TSPAN5: variants seen among roughly 807,000 people sequenced by gnomAD.
TSPAN5 encodes tetraspanin 5.
Under a neutral mutation model 37.1 loss-of-function variants are expected in TSPAN5, and 10 were observed. That is an observed-to-expected ratio of 0.27 (90% confidence interval 0.17 to 0.46). The LOEUF (loss-of-function observed/expected upper bound fraction) is 0.46, where lower values mean the gene tolerates loss of function less well. Among genes scored for constraint, TSPAN5 ranks in the 20% least tolerant of loss-of-function variants. TSPAN5 has a pLI of 1.00. For missense variants in TSPAN5, 195 were observed against 326.6 expected (o/e 0.60, Z 3.11); for synonymous variants, 110 against 118.9 (o/e 0.93, Z 0.48).
chr4:98,473,601 A>C (rs1176200654), intron 7 of TSPAN5, among the ~76,000 whole-genome samples: 1 of 151,938 alleles, frequency 6.6e-6, no homozygotes, highest in Non-Finnish European at 1.5e-5. Context: ...CTGGGACTAC[A>C]GGCGCCCGCC....
intron 7 of TSPAN5, among the ~76,000 whole-genome samples, chr4:98,473,041 T>A (rs1331450045): frequency 6.6e-6 from 1 of 152,254 alleles, no homozygotes. Context: ...TGATATTCCA[T>A]GGCATGGATA....
chr4:98,503,782 C>A (rs1578952065), intron 2 of TSPAN5, among the ~76,000 whole-genome samples: 1 of 152,202 alleles, frequency 6.6e-6, no homozygotes, highest in African/African-American at 2.4e-5. Context: ...GAATTCAGCA[C>A]AAGCCCTGCC....
chr4:98,578,507 C>A (rs905310984), intron 1 of TSPAN5, among the ~76,000 whole-genome samples: 8 of 152,118 alleles, frequency 5.3e-5, no homozygotes, highest in African/African-American at 1.9e-4. Flanking sequence ...CTCACTGCAA[C>A]CTCCGTCTCC....
chr4:98,624,400 C>G (rs1005552122), intron 1 of TSPAN5, among the ~76,000 whole-genome samples: 3 of 151,738 alleles, frequency 2.0e-5, no homozygotes, highest in Non-Finnish European at 2.9e-5. Context: ...GAGATAAAGT[C>G]AAGAATGAAA....
At chr4:98,526,321 T>A (rs968445667) in intron 1 of TSPAN5, among the ~76,000 whole-genome samples, 2 of 152,164 alleles carry the variant, frequency 1.3e-5, no homozygotes, top group Non-Finnish European at 2.9e-5. Context: ...GCAGGCCAGG[T>A]GAAAACATCT....
intron 1 of TSPAN5, among the ~76,000 whole-genome samples, chr4:98,588,040 T>G (rs2110203735): frequency 6.6e-6 from 1 of 152,348 alleles, no homozygotes; most frequent in Admixed American, 6.5e-5. Context: ...TTTGAGTTCC[T>G]AAATGAAACC....
At chr4:98,557,000 A>G (rs1754764534) in intron 1 of TSPAN5, among the ~76,000 whole-genome samples, 1 of 152,192 alleles carries the variant, frequency 6.6e-6, no homozygotes, top group Non-Finnish European at 1.5e-5. Context: ...TTATTACCAC[A>G]TTGTATTATA....
chr4:98,533,939 T>TAAAGAAAAAAAAAAAAAAAAAA (rs1754165667), intron 1 of TSPAN5, among the ~76,000 whole-genome samples: 1 of 31,148 alleles, frequency 3.2e-5, no homozygotes, highest in Admixed American at 5.3e-4. Context: ...TTGTTGATCT[T>TAAAGAAAAAAAAAAAAAAAAAA]AAAAAAAAAA....
intron 3 of TSPAN5, chr4:98,484,427 T>A: frequency 2.2e-6 from 1 of 455,996 alleles, no homozygotes; most frequent in South Asian, 1.6e-5. Context: ...TCCAGGCAAG[T>A]TTTTATTGTT....
intron 1 of TSPAN5, among the ~76,000 whole-genome samples, chr4:98,651,843 G>A (rs2110292065): frequency 7.7e-6 from 1 of 130,154 alleles, no homozygotes; most frequent in East Asian, 2.3e-4. Context: ...TGATGATTTT[G>A]TAATTCTTTC....
At chr4:98,476,158 C>T in intron 7 of TSPAN5, 31 bp downstream of exon 7, 1 of 1,539,610 alleles carries the variant, frequency 6.5e-7, no homozygotes, top group South Asian at 1.1e-5. Context: ...CATTATTTCC[C>T]TGTGATATCC....
intron 1 of TSPAN5, among the ~76,000 whole-genome samples, chr4:98,521,382 T>A (rs1347401648): frequency 2.0e-5 from 3 of 152,152 alleles, no homozygotes; most frequent in Non-Finnish European, 4.4e-5. Context: ...AAGTTCAGGG[T>A]TCCTCTCCTA....
At chr4:98,635,664 A>G (rs559393109) in intron 1 of TSPAN5, among the ~76,000 whole-genome samples, 8 of 152,350 alleles carry the variant, frequency 5.3e-5, no homozygotes, top group Admixed American at 1.3e-4. Context: ...AAAAGAGACT[A>G]CAGCAAAACA....
intron 1 of TSPAN5, among the ~76,000 whole-genome samples, chr4:98,641,277 T>C (rs1028141803): frequency 2.6e-5 from 4 of 152,266 alleles, no homozygotes; most frequent in Non-Finnish European, 4.4e-5. Context: ...GTGTAGGTTA[T>C]GTTCGTCACC....
chr4:98,655,593 A>C (rs1757280022), intron 1 of TSPAN5, among the ~76,000 whole-genome samples: 1 of 152,256 alleles, frequency 6.6e-6, no homozygotes, highest in Non-Finnish European at 1.5e-5. Context: ...GTTCAGTGTG[A>C]AAATGAAAAT....
At chr4:98,622,588 GA>G (rs1394415378) in intron 1 of TSPAN5, among the ~76,000 whole-genome samples, 1 of 152,126 alleles carries the variant, frequency 6.6e-6, no homozygotes, top group Admixed American at 6.5e-5. Context: ...GTTGTGCTTA[GA>G]AAAAAAGTCA....
chr4:98,470,385 A>G lies in TSPAN5; in HGVS notation c.*2137T>C, dbSNP rs1752555083. ...CACCATGTAAGGTAGAACCAAGTTT[A>G]TTAATGACAGCCTTTATTACAATCA... is the stretch of plus-strand genomic sequence containing the variant. On this transcript the variant is annotated 3_prime_UTR_variant, in exon 8 of 8. Transcript: ENST00000305798. 6.6e-6 allele frequency: 1 copy of G among 152,264 alleles called. No homozygotes were observed. Among genetic ancestry groups the G allele is most frequent in the Non-Finnish European group, 1.5e-5 (1 of 68,050 alleles). 9.4% of individuals were successfully genotyped at this position (152,264 alleles called of 1,614,324 possible). A position where few individuals can be genotyped will look rare whatever the true frequency, so the allele number is the denominator to read the frequency against.
chr4:98,633,913 C>T (rs935853253), intron 1 of TSPAN5, among the ~76,000 whole-genome samples: 5 of 151,978 alleles, frequency 3.3e-5, no homozygotes, highest in Admixed American at 1.3e-4. Flanking sequence ...AACCTCGTCT[C>T]TACTAAAAAT....
intron 1 of TSPAN5, among the ~76,000 whole-genome samples, chr4:98,559,778 A>T (rs1489714075): frequency 6.6e-6 from 1 of 152,206 alleles, no homozygotes; most frequent in East Asian, 1.9e-4. Flanking sequence ...ATTAAAGCTT[A>T]ATTTTCACAA....
Sources: gnomAD v4.1 joint callset for allele counts (sites outside exome capture counted in the v4.1 genomes callset) on GRCh38, gnomAD v4.1.1 for gene constraint, MANE v1.5 for transcripts, NCBI Gene and HGNC (gene_info 2026-07-23, HGNC 2026-07-21) for gene names.